The following EPHA6 variants were observed in gnomAD, a reference collection of about 807,000 sequenced individuals.
The protein encoded by EPHA6 is ephrin type-A receptor 6.
EPHA6 carries 50 observed loss-of-function variants against 112.0 expected under a neutral mutation model. The observed-to-expected ratio is 0.45, with a 90% CI of 0.36 to 0.56. The LOEUF is 0.56. EPHA6 is among the 20% of genes least tolerant of loss of function. The pLI, the probability that EPHA6 is intolerant of heterozygous loss-of-function variation, is 0.00. For synonymous variants in EPHA6, 529 were observed against 490.7 expected (o/e 1.08, Z -1.03); for missense variants, 1,280 against 1,417.4 (o/e 0.90, Z 1.56).
chr3:96,825,924 C>A lies in EPHA6; in HGVS notation c.385+10916C>A, dbSNP rs1297489465. Among the ~76,000 whole-genome samples, 4 of 151,694 alleles carry A rather than the reference C, an allele frequency of 2.6e-5. No individual in the cohort carries two copies. The East Asian group carries it at 7.7e-4, about 29-fold the overall frequency. ...AAAGATATTTTGGTAAAAATGATGA[C>A]CTTTAATAATTATTTAGTCAAAAAT... On this transcript the variant is annotated intron_variant, in intron 1 of 17. Coordinates refer to ENST00000389672, the MANE Select transcript of EPHA6 (RefSeq NM_001080448.3).
intron 3 of EPHA6, among the ~76,000 whole-genome samples, chr3:97,139,238 G>A (rs1049656789): frequency 2.0e-5 from 3 of 152,056 alleles, no homozygotes; most frequent in Non-Finnish European, 2.9e-5. Context: ...TTAACAAAGG[G>A]CAAGTAAAAA....
intron 4 of EPHA6, among the ~76,000 whole-genome samples, chr3:97,227,084 A>C (rs1259068645): frequency 6.6e-6 from 1 of 152,226 alleles, no homozygotes; most frequent in Non-Finnish European, 1.5e-5. Context: ...TTAAAAAATA[A>C]AAGTGAATAT....
intron 5 of EPHA6, among the ~76,000 whole-genome samples, chr3:97,328,408 A>G (rs1241437920): frequency 4.6e-5 from 7 of 151,984 alleles, no homozygotes; most frequent in African/African-American, 1.7e-4. Context: ...TGGGTAGTAT[A>G]TCTCATTGTG....
chr3:97,301,827 A>G (rs2081103926), intron 5 of EPHA6, among the ~76,000 whole-genome samples: 1 of 151,822 alleles, frequency 6.6e-6, no homozygotes, highest in Admixed American at 6.6e-5. Context: ...ACTTATAATT[A>G]TATAATGAAT....
intron 11 of EPHA6, among the ~76,000 whole-genome samples, chr3:97,552,793 C>G (rs2093047658): frequency 6.6e-6 from 1 of 152,130 alleles, no homozygotes; most frequent in Admixed American, 6.6e-5. Flanking sequence ...ATACAAATAT[C>G]TAGTTTTAAA....
intron 3 of EPHA6, among the ~76,000 whole-genome samples, chr3:97,155,654 C>A (rs993008369): frequency 6.6e-6 from 1 of 152,112 alleles, no homozygotes; most frequent in East Asian, 1.9e-4. Flanking sequence ...TGGGGAGAAT[C>A]TGCTTCCAAG....
intron 2 of EPHA6, among the ~76,000 whole-genome samples, chr3:96,954,726 A>G (rs1419077744): frequency 1.3e-5 from 2 of 150,116 alleles, no homozygotes; most frequent in Non-Finnish European, 3.0e-5. Flanking sequence ...ATAACCAAAT[A>G]CAAGTTTGTG....
At chr3:97,153,343 C>CA (rs948615570) in intron 3 of EPHA6, among the ~76,000 whole-genome samples, 27 of 151,572 alleles carry the variant, frequency 1.8e-4, no homozygotes, top group Admixed American at 4.6e-4. Context: ...ATAGTTTAAA[C>CA]AAAAAAAATC....
intron 3 of EPHA6, among the ~76,000 whole-genome samples, chr3:96,990,137 A>T (rs773210146): frequency 1.3e-5 from 2 of 152,200 alleles, no homozygotes; most frequent in Non-Finnish European, 2.9e-5. Flanking sequence ...CTAAGAATTT[A>T]TGTGATTTGC....
rs980957731 is a variant in EPHA6, at chr3:97,299,039, C to T, written c.1606+54752C>T. ...TTATTTAATATGCATTTTTAAAACA[C>T]TGCCAGTTGATGATCTTATAAATTT... On this transcript the variant is annotated intron_variant, in intron 5 of 17. Coordinates refer to ENST00000389672, the MANE Select transcript of EPHA6 (RefSeq NM_001080448.3). Among the ~76,000 whole-genome samples, 82 of 152,204 alleles carry T rather than the reference C, an allele frequency of 5.4e-4. 1 individual carries two copies. Among genetic ancestry groups the T allele is most frequent in the African/African-American group, 1.8e-3 (75 of 41,540 alleles).
chr3:97,180,073 A>G (rs965082873), intron 3 of EPHA6, among the ~76,000 whole-genome samples: 2 of 152,206 alleles, frequency 1.3e-5, no homozygotes, highest in African/African-American at 4.8e-5. Flanking sequence ...TTGGTGTTCT[A>G]TAAGTGCATC....
At chr3:97,522,693 GA>G (rs2092562494) in intron 10 of EPHA6, among the ~76,000 whole-genome samples, 1 of 152,012 alleles carries the variant, frequency 6.6e-6, no homozygotes, top group Non-Finnish European at 1.5e-5. Flanking sequence ...TTTGATGGGA[GA>G]TTTTTTAGTG....
intron 3 of EPHA6, among the ~76,000 whole-genome samples, chr3:96,993,876 T>C (rs1278421988): frequency 6.6e-6 from 1 of 152,230 alleles, no homozygotes; most frequent in East Asian, 1.9e-4. Context: ...TTGAGACCTC[T>C]TGGTCAGCTA....
chr3:97,750,547 G>A lies in EPHA6; in HGVS notation c.*1846G>A, dbSNP rs1233521629. 1.3e-5 allele frequency among the ~76,000 whole-genome samples: 2 copies of A among 152,056 alleles called. No homozygotes were observed. The highest frequency in any genetic ancestry group is 3.9e-4 in the East Asian group (2 of 5,168). ...AATTTTTGTATTTTTAGTAGAGACG[G>A]GGTTTCACCATGTTGGCCAGGCTGC... is the stretch of plus-strand genomic sequence containing the variant. On this transcript the variant is annotated 3_prime_UTR_variant, in exon 18 of 18. Coordinates refer to ENST00000389672, the MANE Select transcript of EPHA6 (RefSeq NM_001080448.3).
intron 13 of EPHA6, among the ~76,000 whole-genome samples, chr3:97,622,567 T>C (rs1036882816): frequency 2.8e-4 from 42 of 151,830 alleles, no homozygotes; most frequent in Non-Finnish European, 3.7e-4. Context: ...TAGATGCACT[T>C]TGACACCCTA....
At chr3:97,734,557 A>G (rs1000236035) in intron 15 of EPHA6, among the ~76,000 whole-genome samples, 3 of 152,058 alleles carry the variant, frequency 2.0e-5, no homozygotes, top group Non-Finnish European at 4.4e-5. Flanking sequence ...GAAATTCCCT[A>G]TTACTAAAAA....
chr3:97,592,071 T>A (rs1219161563), intron 11 of EPHA6, among the ~76,000 whole-genome samples: 1 of 152,228 alleles, frequency 6.6e-6, no homozygotes, highest in African/African-American at 2.4e-5. Context: ...TTGTCCCTAA[T>A]GGAAAAGTAT....
At chr3:97,745,143 ACT>A (rs2035657690) in intron 16 of EPHA6, among the ~76,000 whole-genome samples, 1 of 151,780 alleles carries the variant, frequency 6.6e-6, no homozygotes, top group Non-Finnish European at 1.5e-5. Context: ...AGCAGTGAAA[ACT>A]CTGAGAAATG....
In EPHA6 at chr3:97,060,923, C is replaced by CAAAAAA. The variant is rs71623565; in HGVS notation, c.1114+72952_1114+72957dup. Among the ~76,000 whole-genome samples the CAAAAAA allele has an allele frequency of 6.0e-3, 128 of 21,238 alleles. 18 individuals are homozygous for CAAAAAA. The highest frequency in any genetic ancestry group is 0.011 in the East Asian group (7 of 622). 13.9% of individuals were successfully genotyped at this position (21,238 alleles called of 152,430 possible). A position where few individuals can be genotyped will look rare whatever the true frequency, so the allele number is the denominator to read the frequency against. ...TGGGCGACAGAGCCAGACTCCGTCTCAAAAAAAAAAAAAAAAAAAAAAAAA... is the reference window on the plus strand; with the variant it reads ...TGGGCGACAGAGCCAGACTCCGTCTCAAAAAAAAAAAAAAAAAAAAAAAAAAAAAAA... On this transcript the variant is annotated intron_variant, in intron 3 of 17. Coordinates refer to ENST00000389672, the MANE Select transcript of EPHA6 (RefSeq NM_001080448.3).
Sources: allele counts gnomAD v4.1 joint callset (sites outside exome capture counted in the v4.1 genomes callset), GRCh38; gene constraint gnomAD v4.1.1; transcripts MANE v1.5; gene names NCBI Gene and HGNC (gene_info 2026-07-23, HGNC 2026-07-21).